Variants in FDX1 observed in about 807,000 individuals in gnomAD.
The protein encoded by FDX1 is ferredoxin 1.
A neutral mutation model predicts 14.9 loss-of-function variants in FDX1; 9 were observed. The ratio of observed to expected loss-of-function variants is 0.60; its 90% confidence interval spans 0.36 to 1.05. FDX1 has a LOEUF of 1.05. Ranked by LOEUF, FDX1 falls within the 50% of genes least tolerant of loss-of-function variation. FDX1 has a pLI of 0.01. For missense variants in FDX1, 204 were observed against 237.2 expected (o/e 0.86, Z 0.92); for synonymous variants, 92 against 99.4 (o/e 0.93, Z 0.44).
chr11:110,455,297 G>A (rs1319504233), intron 2 of FDX1, among the ~76,000 whole-genome samples: 1 of 151,964 alleles, frequency 6.6e-6, no homozygotes, highest in Non-Finnish European at 1.5e-5. Flanking sequence ...ACCGTGCCCG[G>A]CCTGTTTTTT....
chr11:110,429,888 T>A (rs993437934), upstream of FDX1: 15 of 325,396 alleles, frequency 4.6e-5, no homozygotes, highest in African/African-American at 3.2e-4. Context: ...GGCGTGGGCG[T>A]GAGAGGCGGG....
intron 2 of FDX1, among the ~76,000 whole-genome samples, chr11:110,444,692 ATATATATATATACG>A (rs1327256935): frequency 0.02 from 1,636 of 80,368 alleles, 188 homozygotes; most frequent in African/African-American, 0.081. Context: ...ATACACGTAT[ATATATATATATACG>A]TATATATATA....
chr11:110,446,208 G>T (rs1346493597), intron 2 of FDX1, among the ~76,000 whole-genome samples: 1 of 152,164 alleles, frequency 6.6e-6, no homozygotes, highest in East Asian at 1.9e-4. Context: ...AATCAGGAAG[G>T]GTGCAATGTT....
intron 2 of FDX1, 146 bp downstream of exon 2, chr11:110,436,104 G>A (rs1030220913): frequency 2.9e-6 from 2 of 687,220 alleles, no homozygotes; most frequent in South Asian, 1.8e-5. Flanking sequence ...TTATATTCTT[G>A]TTTATAAAGA....
In FDX1 at chr11:110,446,623, C is replaced by T. The variant is rs146768862; in HGVS notation, c.311-10295C>T. ...TCCTACCTCAGTAATGAGCACCACC[C>T]GGCTGCTCGAACCTGAAACCGTAGA... is the stretch of plus-strand genomic sequence containing the variant. On this transcript the variant is annotated intron_variant, in intron 2 of 3. Coordinates refer to ENST00000260270, the MANE Select transcript of FDX1 (RefSeq NM_004109.5). Among the ~76,000 whole-genome samples the T allele has an allele frequency of 9.1e-3, 1,381 of 152,270 alleles. 11 individuals carry two copies. Among genetic ancestry groups the T allele is most frequent in the Non-Finnish European group, 0.014 (933 of 68,026 alleles).
At chr11:110,445,468 C>T (rs1163483016) in intron 2 of FDX1, among the ~76,000 whole-genome samples, 1 of 152,116 alleles carries the variant, frequency 6.6e-6, no homozygotes, top group Non-Finnish European at 1.5e-5. Context: ...TCACTCCCAA[C>T]TAGCATTTTA....
At chr11:110,439,786 C>T (rs1485485800) in intron 2 of FDX1, among the ~76,000 whole-genome samples, 1 of 152,118 alleles carries the variant, frequency 6.6e-6, no homozygotes, top group Non-Finnish European at 1.5e-5. Flanking sequence ...CTGAGGTTTT[C>T]TTCTAGGACT....
chr11:110,440,479 G>T (rs1257807592), intron 2 of FDX1, among the ~76,000 whole-genome samples: 2 of 152,118 alleles, frequency 1.3e-5, no homozygotes, highest in African/African-American at 2.4e-5. Context: ...TTATTTCAAA[G>T]AATTTTTTGA....
intron 2 of FDX1, among the ~76,000 whole-genome samples, chr11:110,456,560 G>A (rs908173970): frequency 2.1e-5 from 3 of 140,502 alleles, no homozygotes; most frequent in East Asian, 2.1e-4. Flanking sequence ...TGTCACCCCG[G>A]CTAGAGTGTA....
At position 110,438,599 on chromosome 11, in the gene FDX1, T is replaced by C. The variant is rs114878593; in HGVS notation, c.310+2641T>C. Among the ~76,000 whole-genome samples the C allele has an allele frequency of 7.3e-3, 1,107 of 152,154 alleles. 11 individuals are homozygous for C. Among genetic ancestry groups the C allele is most frequent in the African/African-American group, 0.025 (1,027 of 41,544 alleles). On this transcript the variant is annotated intron_variant, in intron 2 of 3. Transcript: ENST00000260270. ...TGCCACCACGGCTAGCAAATTTTTA[T>C]ATTTTTAGTAGTTTTATATTTTTAT... is the stretch of plus-strand genomic sequence containing the variant.
chr11:110,435,709 G>A (rs540180016), intron 1 of FDX1, 125 bp from the exon 2 acceptor site: 2 of 605,164 alleles, frequency 3.3e-6, no homozygotes, highest in East Asian at 3.2e-5. Context: ...AAAAAAATTA[G>A]CCAGGCGTGG....
intron 2 of FDX1, among the ~76,000 whole-genome samples, chr11:110,455,132 G>A (rs1020494888): frequency 2.9e-4 from 44 of 151,994 alleles, no homozygotes; most frequent in African/African-American, 9.9e-4. Flanking sequence ...TCAGCCTCCC[G>A]AGTAGCTGGG....
At chr11:110,455,227 G>A (rs1029295089) in intron 2 of FDX1, among the ~76,000 whole-genome samples, 2 of 151,530 alleles carry the variant, frequency 1.3e-5, no homozygotes, top group South Asian at 2.1e-4. Flanking sequence ...GGCTGGTCTC[G>A]AACCTCACGT....
At chr11:110,460,922 G>A (rs905398412) in intron 3 of FDX1, among the ~76,000 whole-genome samples, 1 of 152,168 alleles carries the variant, frequency 6.6e-6, no homozygotes, top group African/African-American at 2.4e-5. Context: ...AAAGTGTGGA[G>A]TTGATTTGCT....
intron 2 of FDX1, among the ~76,000 whole-genome samples, chr11:110,437,869 C>A (rs1414962899): frequency 6.6e-6 from 1 of 152,186 alleles, no homozygotes; most frequent in Non-Finnish European, 1.5e-5. Context: ...TTAGCTTGCA[C>A]TTATAAGTGA....
rs1591254705 is a variant in FDX1, at chr11:110,457,109, T to C, written c.440+62T>C. 4.7e-6 allele frequency: 7 copies of C among 1,498,196 alleles called. No individual in the cohort carries two copies. In the East Asian group the frequency reaches 1.4e-4, roughly 30 times the overall value. 92.8% of individuals were successfully genotyped at this position (1,498,196 alleles called of 1,614,324 possible). ...CTGGGAACATAGATGTTGTATTATG[T>C]TGTCTATGTAAGACCAGACCCATAA... On this transcript the variant is annotated intron_variant, in intron 3 of 3. Coordinates refer to ENST00000260270, the MANE Select transcript of FDX1 (RefSeq NM_004109.5).
chr11:110,447,189 A>C (rs1176943319), intron 2 of FDX1, among the ~76,000 whole-genome samples: 6 of 149,820 alleles, frequency 4.0e-5, no homozygotes, highest in Non-Finnish European at 8.9e-5. Context: ...AAAAAAAAAA[A>C]AAAACCGAGA....
rs1022702525 is a variant in FDX1 at position 110,464,509 on chromosome 11, G to A, written c.*2041G>A. On this transcript the variant is annotated 3_prime_UTR_variant, in exon 4 of 4. Transcript: ENST00000260270. ...ATAACTAACCCACACCTGAGATAAC[G>A]GCATTAATCCATTCATGAGGTCTCT... 7.2e-5 allele frequency: 11 copies of A among 152,078 alleles called. No homozygotes were observed. Among genetic ancestry groups the A allele is most frequent in the African/African-American group, 2.2e-4 (9 of 41,406 alleles). The allele number at this position is 152,078 out of a possible 1,614,324, so 9.4% of individuals were successfully genotyped here.
At chr11:110,439,202 C>T (rs1946389870) in intron 2 of FDX1, among the ~76,000 whole-genome samples, 1 of 151,782 alleles carries the variant, frequency 6.6e-6, no homozygotes, top group Middle Eastern at 3.2e-3. Context: ...ACCATGCCTG[C>T]TCTGCCCACT....
Sources: gnomAD v4.1 joint callset for allele counts (sites outside exome capture counted in the v4.1 genomes callset) on GRCh38, gnomAD v4.1.1 for gene constraint, MANE v1.5 for transcripts, NCBI Gene and HGNC (gene_info 2026-07-23, HGNC 2026-07-21) for gene names.